Variants in CHAF1A observed in about 807,000 individuals in gnomAD.
The protein encoded by CHAF1A is CAF-1 subunit A.
In CHAF1A, 5 loss-of-function variants were observed where a neutral mutation model predicts 93.2. The ratio of observed to expected loss-of-function variants is 0.05; its 90% CI spans 0.03 to 0.11. The LOEUF (loss-of-function observed/expected upper bound fraction) is 0.11. CHAF1A is among the 10% of genes least tolerant of loss of function. The pLI is 1.00. For missense variants in CHAF1A, 1,102 were observed against 1,259.9 expected (o/e 0.87, Z 1.90); for synonymous variants, 504 against 510.3 (o/e 0.99, Z 0.17).
chr19:4,434,664 C>T, intron 13 of CHAF1A, among the ~76,000 whole-genome samples: 1 of 149,560 alleles, frequency 6.7e-6, no homozygotes. Context: ...CTTGATAGCT[C>T]TTTTTTTTTT....
At chr19:4,435,739 T>G (rs1051262899) in intron 13 of CHAF1A, among the ~76,000 whole-genome samples, 8 of 152,210 alleles carry the variant, frequency 5.3e-5, no homozygotes, top group Non-Finnish European at 7.3e-5. Flanking sequence ...TGGGCTTTCC[T>G]TCAAGGCCAC....
At chr19:4,442,447 GC>G in intron 14 of CHAF1A, 106 bp downstream of exon 14, 1 of 949,044 alleles carries the variant, frequency 1.1e-6, no homozygotes, top group Non-Finnish European at 1.6e-6. Flanking sequence ...ACTGTGAGCA[GC>G]CAGGAGGGCT....
chr19:4,405,492 C>T (rs1368915430), intron 1 of CHAF1A, among the ~76,000 whole-genome samples: 2 of 151,800 alleles, frequency 1.3e-5, no homozygotes, highest in Non-Finnish European at 2.9e-5. Flanking sequence ...CCTGTAGTCC[C>T]AGCTACTTGA....
chr19:4,408,460 C>CTTTTTTTTT (rs1568429224), intron 2 of CHAF1A, among the ~76,000 whole-genome samples: 2 of 51,768 alleles, frequency 3.9e-5, no homozygotes, highest in Admixed American at 2.4e-4. Context: ...CCGCACCCGG[C>CTTTTTTTTT]CTTTTTTTTT....
downstream of CHAF1A, chr19:4,445,365 T>A (rs1974483963): frequency 3.5e-6 from 5 of 1,446,312 alleles, no homozygotes; most frequent in Non-Finnish European, 1.9e-6. Context: ...GCTCCACGGC[T>A]GGCGCCCCTC....
chr19:4,415,041 CT>C (rs1973874424), intron 3 of CHAF1A, among the ~76,000 whole-genome samples: 1 of 152,108 alleles, frequency 6.6e-6, no homozygotes, highest in Admixed American at 6.6e-5. Flanking sequence ...ATAGTGAGCT[CT>C]GTCGCGACTC....
chr19:4,437,348 C>G (rs1974303649), intron 13 of CHAF1A, among the ~76,000 whole-genome samples: 1 of 152,084 alleles, frequency 6.6e-6, no homozygotes, highest in African/African-American at 2.4e-5. Flanking sequence ...GACATGTGCC[C>G]TGGCATCCTC....
chr19:4,420,312 G>A (rs1268714361), intron 4 of CHAF1A, among the ~76,000 whole-genome samples: 3 of 151,848 alleles, frequency 2.0e-5, no homozygotes, highest in African/African-American at 7.3e-5. Context: ...GCGTGATCTC[G>A]GCTCCCTGCA....
At chr19:4,404,943 G>T (rs1014337338) in intron 1 of CHAF1A, among the ~76,000 whole-genome samples, 1 of 152,066 alleles carries the variant, frequency 6.6e-6, no homozygotes, top group Non-Finnish European at 1.5e-5. Flanking sequence ...GCTTTAAATT[G>T]TGGTACCTTC....
intron 13 of CHAF1A, among the ~76,000 whole-genome samples, chr19:4,435,687 A>G (rs1267223145): frequency 2.0e-5 from 3 of 151,896 alleles, no homozygotes; most frequent in Non-Finnish European, 2.9e-5. Flanking sequence ...TTTGATTTCT[A>G]ATATCTACAC....
At position 4,422,926 on chromosome 19, in the gene CHAF1A, G is replaced by C; in HGVS notation, c.1247+131G>C. The C allele has an allele frequency of 1.1e-6, 1 of 885,368 alleles. No individual in the cohort carries two copies. The highest frequency in any genetic ancestry group is 1.7e-6 in the Non-Finnish European group (1 of 578,606). 54.8% of individuals were successfully genotyped at this position (885,368 alleles called of 1,614,324 possible). A position where few individuals can be genotyped will look rare whatever the true frequency, so the allele number is the denominator to read the frequency against. On this transcript the variant is annotated intron_variant, in intron 5 of 14. Transcript: ENST00000301280. The surrounding 1 kb of genome is among the most constrained non-coding windows in gnomAD (Gnocchi z 4.6). ...TTCAGTTCCTTCCCATTTCTCCTTC[G>C]TGAGGTGCCCGTGGGGCCCTGACGT...
chr19:4,408,070 C>T (rs893761081), intron 2 of CHAF1A, among the ~76,000 whole-genome samples: 1 of 151,652 alleles, frequency 6.6e-6, no homozygotes, highest in Admixed American at 6.6e-5. Context: ...GTAGTTGCAC[C>T]ACCACAGCTC....
rs1198463107 is a variant in CHAF1A, at chr19:4,409,103, T to C, written c.304T>C (p.Leu102=). ...CGGGAAGGGTCCCTTAGATAACTTT[T>C]TAAGAAATAGAATCGAAACCAGTAT... ...VNGKGPLDNF[L]RNRIETSIGQ... The change falls in exon 3 of 15, where the codon TTA becomes CTA. Residue 102 remains leucine, a synonymous_variant. Coordinates refer to ENST00000301280, the MANE Select transcript of CHAF1A (RefSeq NM_005483.3). 2 of 1,614,156 alleles carry C rather than the reference T, an allele frequency of 1.2e-6. No individual in the cohort carries two copies. Among genetic ancestry groups the C allele is most frequent in the South Asian group, 2.2e-5 (2 of 91,072 alleles).
chr19:4,408,735 A>G (rs1429861376), intron 2 of CHAF1A, 168 bp from the exon 3 acceptor site: 4 of 782,600 alleles, frequency 5.1e-6, no homozygotes, highest in Admixed American at 3.0e-5. Flanking sequence ...GGCCTCCCCA[A>G]AGTGCTGGGA....
intron 2 of CHAF1A, among the ~76,000 whole-genome samples, chr19:4,406,666 C>G (rs1257413785): frequency 6.6e-6 from 1 of 152,118 alleles, no homozygotes; most frequent in East Asian, 1.9e-4. Flanking sequence ...ATCTCCTGAC[C>G]TTGTGATCCC....
At chr19:4,406,020 T>C in intron 2 of CHAF1A, 58 bp downstream of exon 2, 2 of 1,379,576 alleles carry the variant, frequency 1.4e-6, no homozygotes, top group Non-Finnish European at 2.1e-6. Context: ...TCCTTGTCTC[T>C]TGTTGGAGAC....
intron 3 of CHAF1A, among the ~76,000 whole-genome samples, chr19:4,411,002 T>G (rs961555068): frequency 1.3e-5 from 2 of 152,140 alleles, no homozygotes; most frequent in Admixed American, 6.6e-5. Context: ...GTCTTTTGAT[T>G]TTATAATTTT....
At chr19:4,435,226 G>A (rs1974262621) in intron 13 of CHAF1A, among the ~76,000 whole-genome samples, 2 of 151,358 alleles carry the variant, frequency 1.3e-5, no homozygotes, top group African/African-American at 2.4e-5. Flanking sequence ...GAGTAGCTGG[G>A]ACTACAGGTG....
chr19:4,448,703 G>T (rs8110072), downstream of CHAF1A: 897 of 454,340 alleles, frequency 2.0e-3, 5 homozygotes, highest in African/African-American at 0.016. Flanking sequence ...CGACAGAACT[G>T]TGCCTCACAC....
Sources: gnomAD v4.1 joint callset for allele counts (sites outside exome capture counted in the v4.1 genomes callset) on GRCh38, gnomAD v4.1.1 for gene constraint, Gnocchi (gnomAD v3.1) non-coding constraint, MANE v1.5 for transcripts, NCBI Gene and HGNC (gene_info 2026-07-23, HGNC 2026-07-21) for gene names.